Variants in SESTD1 observed in about 807,000 individuals in gnomAD.
The protein encoded by SESTD1 is SEC14 and spectrin domain containing 1.
Under a neutral mutation model 101.7 loss-of-function variants are expected in SESTD1, and 43 were observed. That is an observed-to-expected ratio of 0.42 (90% CI 0.33 to 0.55). SESTD1 has a LOEUF of 0.55. Ranked by LOEUF, SESTD1 falls within the 20% of genes least tolerant of loss-of-function variation. The pLI, the probability that SESTD1 is intolerant of heterozygous loss-of-function variation, is 0.07. For missense variants in SESTD1, 647 were observed against 815.1 expected (o/e 0.79, Z 2.51); for synonymous variants, 283 against 286.8 (o/e 0.99, Z 0.13).
At chr2:179,120,191 T>C (rs1409616309) in intron 13 of SESTD1, among the ~76,000 whole-genome samples, 1 of 151,452 alleles carries the variant, frequency 6.6e-6, no homozygotes, top group African/African-American at 2.4e-5. Context: ...ATCATACCAC[T>C]GCACTCCAGC....
At chr2:179,222,706 AAC>A (rs1465172322) in intron 1 of SESTD1, among the ~76,000 whole-genome samples, 2 of 152,188 alleles carry the variant, frequency 1.3e-5, no homozygotes, top group East Asian at 3.8e-4. Flanking sequence ...TATAGAAATT[AAC>A]AGATTTATAA....
intron 1 of SESTD1, among the ~76,000 whole-genome samples, chr2:179,199,844 A>C (rs1397011370): frequency 6.6e-6 from 1 of 152,190 alleles, no homozygotes; most frequent in Non-Finnish European, 1.5e-5. Flanking sequence ...AACTGGAAGC[A>C]TTCCCTTTGA....
chr2:179,183,041 A>C (rs1470755340), intron 3 of SESTD1, 39 bp downstream of exon 3: 1 of 1,372,930 alleles, frequency 7.3e-7, no homozygotes. Flanking sequence ...ACTGAATGAA[A>C]ACATACTGAG....
At chr2:179,226,166 C>T (rs944922400) in intron 1 of SESTD1, among the ~76,000 whole-genome samples, 6 of 152,074 alleles carry the variant, frequency 3.9e-5, no homozygotes, top group African/African-American at 1.2e-4. Context: ...ATTTTTATTT[C>T]AAAATCTCAA....
At chr2:179,237,500 C>T (rs1325817237) in intron 1 of SESTD1, among the ~76,000 whole-genome samples, 1 of 152,104 alleles carries the variant, frequency 6.6e-6, no homozygotes, top group Admixed American at 6.6e-5. Context: ...AGGCACTGAG[C>T]CAGTTTTTAT....
intron 16 of SESTD1, among the ~76,000 whole-genome samples, chr2:179,114,083 T>C (rs1002794038): frequency 6.7e-6 from 1 of 150,344 alleles, no homozygotes. Context: ...ATGTTTTCTA[T>C]GTTAATAGTA....
At chr2:179,234,723 C>T (rs1055764934) in intron 1 of SESTD1, among the ~76,000 whole-genome samples, 4 of 152,074 alleles carry the variant, frequency 2.6e-5, no homozygotes, top group South Asian at 2.1e-4. Flanking sequence ...CAGCCAGAAA[C>T]GCATAACCTG....
Position 179,106,752 on chromosome 2 carries a change from T to C in SESTD1, c.*3147A>G, listed in dbSNP as rs1013970827. On this transcript the variant is annotated 3_prime_UTR_variant, in exon 18 of 18. Coordinates refer to ENST00000428443, the MANE Select transcript of SESTD1 (RefSeq NM_178123.5). ...CCAGCTGGCAGGCTGAGCAGTTTCA[T>C]CAACATCACCAATGAGTCACCAGAA... 6 of 152,182 alleles carry C rather than the reference T, an allele frequency of 3.9e-5. No homozygotes were observed. Among genetic ancestry groups the C allele is most frequent in the African/African-American group, 1.2e-4 (5 of 41,524 alleles). The allele number at this position is 152,182 out of a possible 1,614,324, so 9.4% of individuals were successfully genotyped here. A position where few individuals can be genotyped will look rare whatever the true frequency, so the allele number is the denominator to read the frequency against.
At chr2:179,188,820 A>C (rs916861276) in intron 2 of SESTD1, among the ~76,000 whole-genome samples, 1 of 152,182 alleles carries the variant, frequency 6.6e-6, no homozygotes, top group Non-Finnish European at 1.5e-5. Flanking sequence ...ACTAACTAGA[A>C]ACTCTAGAGA....
intron 5 of SESTD1, among the ~76,000 whole-genome samples, chr2:179,161,255 A>G (rs56029204): frequency 0.063 from 9,604 of 152,076 alleles, 403 homozygotes; most frequent in South Asian, 0.2. Context: ...TAAAAATGTA[A>G]GACCAATTTG....
chr2:179,123,663 A>T, intron 12 of SESTD1, 52 bp downstream of exon 12: 1 of 1,045,706 alleles, frequency 9.6e-7, no homozygotes, highest in Non-Finnish European at 1.3e-6. Context: ...CATGGTAATG[A>T]TATTTAAAAA....
At chr2:179,245,857 GTAGAT>G (rs1460707758) in intron 1 of SESTD1, among the ~76,000 whole-genome samples, 1 of 152,064 alleles carries the variant, frequency 6.6e-6, no homozygotes, top group East Asian at 1.9e-4. Flanking sequence ...TGTTAATAGA[GTAGAT>G]TAAAAAACAT....
intron 2 of SESTD1, among the ~76,000 whole-genome samples, chr2:179,185,480 TC>T (rs2046199862): frequency 3.5e-5 from 5 of 142,092 alleles, no homozygotes; most frequent in Admixed American, 1.5e-4. Context: ...ATATTACTTA[TC>T]ATATATACAA....
chr2:179,176,390 A>G (rs146594859), intron 4 of SESTD1, 58 bp downstream of exon 4: 1 of 1,340,746 alleles, frequency 7.5e-7, no homozygotes, highest in East Asian at 2.3e-5. Flanking sequence ...TGCCATTTTC[A>G]CCAGGATCTG....
chr2:179,132,891 T>C (rs1385091518), intron 9 of SESTD1, among the ~76,000 whole-genome samples: 1 of 152,234 alleles, frequency 6.6e-6, no homozygotes, highest in African/African-American at 2.4e-5. Context: ...CTAACAGCCA[T>C]ATGTTCTAAC....
intron 3 of SESTD1, among the ~76,000 whole-genome samples, chr2:179,182,207 A>G (rs2046125349): frequency 6.6e-6 from 1 of 152,134 alleles, no homozygotes. Context: ...ACTTAAGAGC[A>G]GTATATGAGA....
At chr2:179,200,437 G>T (rs557223130) in intron 1 of SESTD1, among the ~76,000 whole-genome samples, 78 of 150,916 alleles carry the variant, frequency 5.2e-4, no homozygotes, top group Non-Finnish European at 5.9e-5. Flanking sequence ...AGTTCATATG[G>T]AACCAAAAAA....
chr2:179,231,706 AGACC>A, intron 1 of SESTD1, among the ~76,000 whole-genome samples: 1 of 149,704 alleles, frequency 6.7e-6, no homozygotes. Flanking sequence ...AAAACAGTAT[AGACC>A]AAAAAGCTAA....
At chr2:179,180,524 C>T (rs2046090398) in intron 3 of SESTD1, among the ~76,000 whole-genome samples, 1 of 151,994 alleles carries the variant, frequency 6.6e-6, no homozygotes, top group African/African-American at 2.4e-5. Context: ...ACATGCTGGG[C>T]CTGATCTGCT....
Sources: gnomAD v4.1 joint callset for allele counts (sites outside exome capture counted in the v4.1 genomes callset) on GRCh38, gnomAD v4.1.1 for gene constraint, MANE v1.5 for transcripts, NCBI Gene and HGNC (gene_info 2026-07-23, HGNC 2026-07-21) for gene names.